The following MYOCD variants were observed in gnomAD, a reference collection of about 807,000 sequenced individuals.
MYOCD encodes the protein myocardin.
A neutral mutation model predicts 96.1 loss-of-function variants in MYOCD; 32 were observed. That is an observed-to-expected ratio of 0.33 (90% confidence interval 0.25 to 0.45). The LOEUF is 0.45. Among genes scored for constraint, MYOCD ranks in the 20% least tolerant of loss-of-function variants. The pLI, the probability that MYOCD is intolerant of heterozygous loss-of-function variation, is 1.00. For synonymous variants in MYOCD, 469 were observed against 469.0 expected (o/e 1.00, Z 0.00); for missense variants, 1,133 against 1,200.6 (o/e 0.94, Z 0.83).
chr17:12,730,839 A>G (rs1224621077), intron 5 of MYOCD, among the ~76,000 whole-genome samples: 1 of 152,132 alleles, frequency 6.6e-6, no homozygotes, highest in Admixed American at 6.5e-5. Flanking sequence ...TTCATATTCT[A>G]CTTCATGGTT....
intron 5 of MYOCD, among the ~76,000 whole-genome samples, chr17:12,734,511 T>TTTTC (rs1168183445): frequency 7.3e-6 from 1 of 136,344 alleles, no homozygotes; most frequent in Non-Finnish European, 1.6e-5. Flanking sequence ...ATCCTTTTTT[T>TTTTC]TTTTTTTTTT....
intron 12 of MYOCD, 127 bp downstream of exon 12, chr17:12,758,340 A>C: frequency 7.3e-7 from 1 of 1,362,652 alleles, no homozygotes; most frequent in Non-Finnish European, 1.0e-6. Context: ...ATACCACCAA[A>C]ATAAGCAAAT....
chr17:12,691,662 G>A lies in MYOCD; in HGVS notation c.56-13466G>A, dbSNP rs144766585. Among the ~76,000 whole-genome samples the A allele has an allele frequency of 3.0e-3, 464 of 152,172 alleles. 2 individuals are homozygous for A. The highest frequency in any genetic ancestry group is 3.9e-3 in the Non-Finnish European group (266 of 68,002). On this transcript the variant is annotated intron_variant, in intron 1 of 13. Transcript: ENST00000425538. Reference sequence around the variant, plus strand: ...TTAAAAAGACATGCCCTTCACCCTCGCACCAAATGGAAGAAATACATTAAA... The same window carrying A: ...TTAAAAAGACATGCCCTTCACCCTCACACCAAATGGAAGAAATACATTAAA...
chr17:12,715,620 G>T, intron 3 of MYOCD, 46 bp downstream of exon 3: 1 of 1,447,516 alleles, frequency 6.9e-7, no homozygotes, highest in Non-Finnish European at 9.7e-7. Context: ...TATAGGTTAT[G>T]AATCTCTGAA....
chr17:12,734,975 C>T (rs1191274071), intron 5 of MYOCD, among the ~76,000 whole-genome samples: 4 of 152,186 alleles, frequency 2.6e-5, no homozygotes, highest in Middle Eastern at 3.2e-3. Context: ...CTGGAGTTTC[C>T]CCCTGCCCTG....
intron 9 of MYOCD, among the ~76,000 whole-genome samples, chr17:12,748,171 A>C (rs61307786): frequency 0.028 from 4,183 of 149,818 alleles, 218 homozygotes; most frequent in African/African-American, 0.094. Context: ...AAAAAAAAAA[A>C]AAAAAAACAA....
At chr17:12,737,074 G>A (rs1428892139) in intron 6 of MYOCD, among the ~76,000 whole-genome samples, 1 of 152,066 alleles carries the variant, frequency 6.6e-6, no homozygotes, top group Non-Finnish European at 1.5e-5. Context: ...GGCCAACACG[G>A]TGAAACCCCG....
intron 1 of MYOCD, among the ~76,000 whole-genome samples, chr17:12,682,178 T>C (rs916156108): frequency 2.6e-5 from 4 of 152,170 alleles, no homozygotes; most frequent in African/African-American, 9.7e-5. Context: ...AAGAGGAACA[T>C]GTCAGACCCA....
rs1327642999 is a variant in MYOCD, at chr17:12,763,304, T to C, written c.2621T>C (p.Leu874Pro). Residue 874 changes from leucine to proline, a missense_variant, in exon 14 of 14, where the codon CTA becomes CCA. By Grantham distance (98) the Leu-to-Pro change is moderately conservative (BLOSUM62 -3). Transcript: ENST00000425538. ...GGAAAGATGAGTGATGTCACCCTTC[T>C]AAAAATTGGGAGCGAAGAGCCTCAC... ...PLGKMSDVTL[L>P]KIGSEEPHFD... The C allele has an allele frequency of 6.2e-7, 1 of 1,609,560 alleles. No homozygotes were observed.
intron 1 of MYOCD, among the ~76,000 whole-genome samples, chr17:12,695,409 A>T (rs1423792159): frequency 6.6e-6 from 1 of 152,238 alleles, no homozygotes; most frequent in Admixed American, 6.5e-5. Context: ...CATCTTGAGG[A>T]TTAAGATCGC....
At chr17:12,689,127 C>T (rs950260221) in intron 1 of MYOCD, among the ~76,000 whole-genome samples, 6 of 152,164 alleles carry the variant, frequency 3.9e-5, no homozygotes, top group Non-Finnish European at 7.4e-5. Flanking sequence ...CTGCTCCCTT[C>T]TTCCCTAAAA....
intron 2 of MYOCD, among the ~76,000 whole-genome samples, chr17:12,707,502 G>A (rs539711046): frequency 1.4e-3 from 211 of 151,924 alleles, no homozygotes; most frequent in Middle Eastern, 3.4e-3. Flanking sequence ...TCAGGAGATC[G>A]AGACCATTGT....
intron 1 of MYOCD, among the ~76,000 whole-genome samples, chr17:12,686,488 C>T (rs1335173121): frequency 6.6e-6 from 1 of 152,192 alleles, no homozygotes; most frequent in Non-Finnish European, 1.5e-5. Context: ...AATGTAGGCC[C>T]AGTTTTCTTT....
intron 2 of MYOCD, among the ~76,000 whole-genome samples, chr17:12,710,257 T>A (rs549717384): frequency 2.6e-5 from 4 of 152,182 alleles, no homozygotes; most frequent in African/African-American, 9.6e-5. Flanking sequence ...AGGGGAGAGA[T>A]GAAAGAAGGT....
chr17:12,759,883 C>G (rs1204680070), intron 12 of MYOCD, among the ~76,000 whole-genome samples: 1 of 152,148 alleles, frequency 6.6e-6, no homozygotes, highest in Non-Finnish European at 1.5e-5. Context: ...GGATGAAAAC[C>G]CCTCAAACAA....
intron 11 of MYOCD, among the ~76,000 whole-genome samples, chr17:12,756,930 A>G (rs1429227517): frequency 6.6e-6 from 1 of 152,154 alleles, no homozygotes; most frequent in African/African-American, 2.4e-5. Context: ...GGATGTACAG[A>G]TATGAGTTAG....
At chr17:12,704,309 G>A (rs1019418195) in intron 1 of MYOCD, among the ~76,000 whole-genome samples, 4 of 152,088 alleles carry the variant, frequency 2.6e-5, no homozygotes, top group Admixed American at 2.6e-4. Flanking sequence ...TGGAGGAGAG[G>A]GGGCAATGGG....
At chr17:12,700,050 A>G (rs1007994324) in intron 1 of MYOCD, among the ~76,000 whole-genome samples, 1 of 151,414 alleles carries the variant, frequency 6.6e-6, no homozygotes, top group African/African-American at 2.4e-5. Flanking sequence ...CTGGGACCAC[A>G]GGCGCCCACC....
chr17:12,687,770 G>A (rs1310778552), intron 1 of MYOCD, among the ~76,000 whole-genome samples: 2 of 152,130 alleles, frequency 1.3e-5, no homozygotes, highest in African/African-American at 4.8e-5. Flanking sequence ...AAGGCTAGGG[G>A]GAATTTACTT....
Sources: allele counts gnomAD v4.1 joint callset (sites outside exome capture counted in the v4.1 genomes callset), GRCh38; gene constraint gnomAD v4.1.1; transcripts MANE v1.5; gene names NCBI Gene and HGNC (gene_info 2026-07-23, HGNC 2026-07-21).